The following ZSCAN2 variants were observed in gnomAD, a reference collection of about 807,000 sequenced individuals.
ZSCAN2 encodes the protein zinc finger and SCAN domain-containing protein 2.
In ZSCAN2, 26 loss-of-function variants were observed where a neutral mutation model predicts 47.8. The observed-to-expected ratio is 0.54, with a 90% CI of 0.40 to 0.75. The LOEUF (loss-of-function observed/expected upper bound fraction) is 0.75. ZSCAN2 is among the 30% of genes least tolerant of loss of function. The pLI is 0.00. For missense variants in ZSCAN2, 732 were observed against 785.4 expected (o/e 0.93, Z 0.81); for synonymous variants, 305 against 288.7 (o/e 1.06, Z -0.57).
chr15:84,602,587 C>CTTT (rs981357914), intron 1 of ZSCAN2, among the ~76,000 whole-genome samples: 32 of 115,732 alleles, frequency 2.8e-4, no homozygotes, highest in Admixed American at 4.9e-4. Flanking sequence ...CTTTTCTTTT[C>CTTT]TTTTTTTTTT....
chr15:84,602,314 T>G (rs1895230748), intron 1 of ZSCAN2: 1 of 152,172 alleles, frequency 6.6e-6, no homozygotes, highest in Non-Finnish European at 1.5e-5. Context: ...CCCTGCTGAT[T>G]TTGTGTTTAT....
rs372302618 is a variant in ZSCAN2 at position 84,621,480 on chromosome 15, C to T, written c.1285C>T (p.Arg429Cys). The change falls in exon 3 of 3, where the codon CGC becomes TGC. Residue 429 changes from arginine to cysteine, a missense_variant. Physicochemically the swap from Arg to Cys is radical, Grantham distance 180. Transcript: ENST00000546148. This position sits in a 1 kb window ranked among gnomAD's most constrained non-coding sequence, Gnocchi z 5.7. ...QCSECGKSFS[R>C]SSNLATHRRT... ...CAGCGAGTGTGGGAAAAGCTTCAGC[C>T]GCAGCTCTAACCTGGCCACACACCG... is the stretch of plus-strand genomic sequence containing the variant. 4.3e-6 allele frequency: 7 copies of T among 1,613,868 alleles called. No individual in the cohort carries two copies. Among genetic ancestry groups the T allele is most frequent in the African/African-American group, 1.3e-5 (1 of 74,924 alleles).
At chr15:84,604,385 A>G (rs1214086248) in intron 2 of ZSCAN2, 52 bp downstream of exon 2, 2 of 1,541,780 alleles carry the variant, frequency 1.3e-6, no homozygotes, top group Admixed American at 4.0e-5. Context: ...TCCAAGGTAG[A>G]GGAGTGTGGT....
At chr15:84,602,587 CTTTTT>C (rs981357914) in intron 1 of ZSCAN2, among the ~76,000 whole-genome samples, 1 of 115,742 alleles carries the variant, frequency 8.6e-6, no homozygotes. Context: ...CTTTTCTTTT[CTTTTT>C]TTTTTTTTTT....
chr15:84,613,360 G>T (rs1235201508), intron 2 of ZSCAN2, among the ~76,000 whole-genome samples: 1 of 152,078 alleles, frequency 6.6e-6, no homozygotes, highest in Non-Finnish European at 1.5e-5. Context: ...TCGCTCTGTT[G>T]CCCAGGCTGG....
chr15:84,610,528 G>GC (rs1555416583), intron 2 of ZSCAN2, among the ~76,000 whole-genome samples: 2 of 130,696 alleles, frequency 1.5e-5, no homozygotes, highest in Non-Finnish European at 1.5e-5. Flanking sequence ...TCACCCTGTC[G>GC]CCCAGGCTGG....
chr15:84,622,731 G>A lies in ZSCAN2; in HGVS notation c.*691G>A, dbSNP rs1366939392. ...TTTCCATTGGTAAGAGTTGGACAGG[G>A]CCTTCAGGAAAGGGGTAAACCGAGG... On this transcript the variant is annotated 3_prime_UTR_variant, in exon 3 of 3. Transcript: ENST00000546148. 1.1e-5 allele frequency: 8 copies of A among 715,794 alleles called. No homozygotes were observed. The Admixed American group carries it at 1.6e-4, about 14-fold the overall frequency. The allele number at this position is 715,794 out of a possible 1,614,324, so 44.3% of individuals were successfully genotyped here. A position where few individuals can be genotyped will look rare whatever the true frequency, so the allele number is the denominator to read the frequency against.
chr15:84,621,504 C>T lies in ZSCAN2; in HGVS notation c.1309C>T (p.Arg437Trp), dbSNP rs755697257. 9.9e-6 allele frequency: 16 copies of T among 1,613,934 alleles called. No individual in the cohort carries two copies. The highest frequency in any genetic ancestry group is 4.5e-5 in the East Asian group (2 of 44,882). The change falls in exon 3 of 3, where the codon CGG becomes TGG. Residue 437 changes from arginine to tryptophan, a missense_variant. By Grantham distance (101) the Arg-to-Trp change is moderately radical. This residue lies in a region of ZSCAN2 where 412 missense variants were observed against 498.0 expected (regional missense o/e 0.83). Transcript: ENST00000546148. This position sits in a 1 kb window ranked among gnomAD's most constrained non-coding sequence, Gnocchi z 5.7. Reference sequence around the variant, plus strand: ...CCGCAGCTCTAACCTGGCCACACACCGGAGAACCCACATGGTGGAGAAGCC... The same window carrying T: ...CCGCAGCTCTAACCTGGCCACACACTGGAGAACCCACATGGTGGAGAAGCC... ...FSRSSNLATH[R>W]RTHMVEKPYK...
intron 2 of ZSCAN2, chr15:84,606,960 A>C: frequency 1.3e-6 from 1 of 743,968 alleles, no homozygotes; most frequent in African/African-American, 1.9e-5. Context: ...CGTGACCTCT[A>C]TTCTGTTTGT....
rs150523382 is a variant in ZSCAN2, at chr15:84,620,617, G to C, written c.422G>C (p.Ser141Thr). The change falls in exon 3 of 3, where the codon AGT becomes ACT. Residue 141 changes from serine (S) to threonine (T), a missense_variant. Ser to Thr is a moderately conservative substitution (Grantham distance 58). Coordinates refer to ENST00000546148, the MANE Select transcript of ZSCAN2 (RefSeq NM_181877.4). ...ATTGTTTCAGATTTTGAGATACAGA[G>C]TGAAAATGGGGAGAACTGTAATCAA... ...TLQDSDFEIQSENGENCNQDM... is the reference protein window; with the variant it reads ...TLQDSDFEIQTENGENCNQDM... 1.3e-5 allele frequency: 21 copies of C among 1,602,016 alleles called. No homozygotes were observed. Among genetic ancestry groups the C allele is most frequent in the Non-Finnish European group, 1.7e-5 (20 of 1,169,950 alleles).
At chr15:84,604,391 G>A (rs1895312076) in intron 2 of ZSCAN2, 58 bp downstream of exon 2, 2 of 1,534,218 alleles carry the variant, frequency 1.3e-6, no homozygotes, top group Non-Finnish European at 1.8e-6. Context: ...GTAGAGGAGT[G>A]TGGTGTTTCG....
intron 2 of ZSCAN2, among the ~76,000 whole-genome samples, chr15:84,620,165 C>G (rs1352916015): frequency 1.3e-5 from 2 of 152,104 alleles, no homozygotes; most frequent in East Asian, 3.8e-4. Flanking sequence ...CTTCATTCAG[C>G]TCCTGCTTAT....
At position 84,620,536 on chromosome 15, in the gene ZSCAN2, T is replaced by C. The variant is rs189442763; in HGVS notation, c.407-66T>C. The stretch of plus-strand genomic sequence containing the variant: ...GTTTAATTTTTATAAATTTCCCCCT[T>C]CGTTTTCTTTTGTCATCATGACAGG... On this transcript the variant is annotated intron_variant, in intron 2 of 2. Transcript: ENST00000546148. The C allele has an allele frequency of 2.5e-5, 35 of 1,378,998 alleles. No homozygotes were observed. In the African/African-American group the frequency reaches 4.3e-4, roughly 17 times the overall value. The allele number at this position is 1,378,998 out of a possible 1,614,324, so 85.4% of individuals were successfully genotyped here. A position where few individuals can be genotyped will look rare whatever the true frequency, so the allele number is the denominator to read the frequency against.
intron 2 of ZSCAN2, among the ~76,000 whole-genome samples, chr15:84,607,091 T>C (rs1895406167): frequency 6.6e-6 from 1 of 152,136 alleles, no homozygotes; most frequent in Non-Finnish European, 1.5e-5. Flanking sequence ...AAGTACCTTC[T>C]AATTCTAATG....
At chr15:84,601,691 T>A (rs1326059629) in intron 1 of ZSCAN2, among the ~76,000 whole-genome samples, 1 of 151,968 alleles carries the variant, frequency 6.6e-6, no homozygotes, top group African/African-American at 2.4e-5. Context: ...GTCTTTATGA[T>A]GTAGTAATGA....
intron 2 of ZSCAN2, among the ~76,000 whole-genome samples, chr15:84,613,315 CATA>C (rs1477498802): frequency 6.6e-6 from 1 of 151,998 alleles, no homozygotes; most frequent in African/African-American, 2.4e-5. Flanking sequence ...ATTGAGATTT[CATA>C]ATGTTTTTGT....
In ZSCAN2 at chr15:84,623,322, G is replaced by C. The variant is rs747755763; in HGVS notation, c.*1282G>C. On this transcript the variant is annotated 3_prime_UTR_variant, in exon 3 of 3. Transcript: ENST00000546148. ...TTAGCCAGGATGGTTTCGATCTCCT[G>C]TCCTCGTGATCTGCCCGCCTTGGCC... 1 of 197,358 alleles carries C rather than the reference G, an allele frequency of 5.1e-6. No individual in the cohort carries two copies. The highest frequency in any genetic ancestry group is 7.2e-5 in the South Asian group (1 of 13,930). The allele number at this position is 197,358 out of a possible 1,614,324, so 12.2% of individuals were successfully genotyped here.
rs747484815 is a variant in ZSCAN2, at chr15:84,620,666, T to G, written c.471T>G (p.Arg157=). 1 of 1,614,054 alleles carries G rather than the reference T, an allele frequency of 6.2e-7. No homozygotes were observed. Among genetic ancestry groups the G allele is most frequent in the African/African-American group, 1.3e-5 (1 of 74,930 alleles). The part of the protein sequence containing the change: ...CNQDMFENES[R]KIFSEMPEGE... ...AAGACATGTTTGAGAATGAATCACG[T>G]AAGATATTCTCGGAAATGCCTGAAG... Residue 157 remains arginine (R), a synonymous_variant, in exon 3 of 3, where the codon CGT becomes CGG. Coordinates refer to ENST00000546148, the MANE Select transcript of ZSCAN2 (RefSeq NM_181877.4).
intron 2 of ZSCAN2, among the ~76,000 whole-genome samples, chr15:84,619,384 C>T (rs954068143): frequency 1.2e-4 from 18 of 151,298 alleles, no homozygotes; most frequent in African/African-American, 2.4e-4. Flanking sequence ...GAGCCGAGAT[C>T]GCGCCATTGC....
Sources: allele counts gnomAD v4.1 joint callset (sites outside exome capture counted in the v4.1 genomes callset), GRCh38; gene constraint gnomAD v4.1.1; regional missense constraint gnomAD v4.1.1; non-coding constraint Gnocchi (gnomAD v3.1); transcripts MANE v1.5; gene names NCBI Gene and HGNC (gene_info 2026-07-23, HGNC 2026-07-21).